The following TRPC5 variants were observed in gnomAD, a reference collection of about 807,000 sequenced individuals.
The protein encoded by TRPC5 is transient receptor potential cation channel subfamily C member 5, also known as short transient receptor potential channel 5.
Under a neutral mutation model 56.5 loss-of-function variants are expected in TRPC5, and 9 were observed. The observed-to-expected ratio is 0.16, with a 90% CI of 0.10 to 0.28. The LOEUF (loss-of-function observed/expected upper bound fraction) is 0.28, where lower values mean the gene tolerates loss of function less well. TRPC5 is among the 10% of genes least tolerant of loss of function. The pLI, the probability that TRPC5 is intolerant of heterozygous loss-of-function variation, is 1.00. For missense variants in TRPC5, 469 were observed against 748.9 expected (o/e 0.63, Z 4.36); for synonymous variants, 282 against 278.5 (o/e 1.01, Z -0.13).
intron 1 of TRPC5, among the ~76,000 whole-genome samples, chrX:112,023,251 T>TG (rs1929329347): frequency 2.4e-5 from 2 of 83,011 alleles, no homozygotes; most frequent in East Asian, 6.3e-4. Flanking sequence ...TTTTTGTTTT[T>TG]TTTTTTTTTT....
chrX:111,984,408 C>T (rs1048516681), intron 1 of TRPC5, among the ~76,000 whole-genome samples: 1 of 111,676 alleles, frequency 9.0e-6, no homozygotes, highest in African/African-American at 3.3e-5. Flanking sequence ...CAAATGAGAA[C>T]TATGTTGTCT....
chrX:111,938,710 G>A (rs1402970789), intron 2 of TRPC5, among the ~76,000 whole-genome samples: 3 of 111,779 alleles, frequency 2.7e-5, no homozygotes, highest in African/African-American at 9.8e-5. Context: ...CTTGATCATG[G>A]TGGATAAGCT....
At chrX:111,907,598 C>T (rs966090289) in intron 3 of TRPC5, among the ~76,000 whole-genome samples, 10 of 109,303 alleles carry the variant, frequency 9.1e-5, no homozygotes, top group Admixed American at 5.9e-4. Context: ...GCATTCCAGC[C>T]TGGGTGACAT....
chrX:111,791,122 G>C (rs1946017961), intron 7 of TRPC5, among the ~76,000 whole-genome samples: 1 of 107,250 alleles, frequency 9.3e-6, no homozygotes, highest in African/African-American at 3.4e-5. Context: ...CTCCCCACAG[G>C]GTTGGCTGAG....
At chrX:111,904,452 C>T (rs1925511207) in intron 3 of TRPC5, among the ~76,000 whole-genome samples, 1 of 111,557 alleles carries the variant, frequency 9.0e-6, no homozygotes, top group Admixed American at 9.5e-5. Flanking sequence ...ACTATGCAGC[C>T]ATAAAAAGGA....
chrX:111,839,583 G>A (rs1360030965), intron 6 of TRPC5, among the ~76,000 whole-genome samples: 2 of 111,671 alleles, frequency 1.8e-5, no homozygotes, highest in Admixed American at 1.9e-4. Context: ...ATCTGCAAAG[G>A]GTTGGTTCCA....
At chrX:112,012,775 C>T (rs1203635639) in intron 1 of TRPC5, among the ~76,000 whole-genome samples, 1 of 111,470 alleles carries the variant, frequency 9.0e-6, no homozygotes, top group Non-Finnish European at 1.9e-5. Context: ...TTTTCTTGAC[C>T]CTTTGCTAAT....
intron 2 of TRPC5, among the ~76,000 whole-genome samples, chrX:111,918,978 G>A: frequency 9.0e-6 from 1 of 110,731 alleles, no homozygotes. Context: ...ACACGTATTG[G>A]GCTGAAGAGG....
chrX:111,917,192 A>G (rs891560736), intron 2 of TRPC5, among the ~76,000 whole-genome samples: 1 of 112,214 alleles, frequency 8.9e-6, no homozygotes, highest in Non-Finnish European at 1.9e-5. Flanking sequence ...CACTGTGGCC[A>G]GTTTCATGCT....
In TRPC5 at chrX:111,773,912, T is replaced by C. The variant is rs1159792181; in HGVS notation, c.*2401A>G. ...ACAAAATCTTTTTCCTTTCCTACTT[T>C]GTACTGAATTAGAGTTAATAAAAAT... On this transcript the variant is annotated 3_prime_UTR_variant, in exon 11 of 11. Transcript: ENST00000262839. 9.0e-6 allele frequency among the ~76,000 whole-genome samples: 1 copy of C among 111,531 alleles called. No homozygotes were observed. The highest frequency in any genetic ancestry group is 2.8e-4 in the East Asian group (1 of 3,565).
At chrX:111,873,872 A>G (rs916828038) in intron 3 of TRPC5, among the ~76,000 whole-genome samples, 3 of 111,911 alleles carry the variant, frequency 2.7e-5, no homozygotes, top group African/African-American at 9.7e-5. Flanking sequence ...ATTCAGGAAC[A>G]TGGCCTAAAG....
chrX:111,888,693 C>CAAA (rs753735549), intron 3 of TRPC5, among the ~76,000 whole-genome samples: 1,582 of 10,981 alleles, frequency 0.14, 223 homozygotes, highest in African/African-American at 0.32. Flanking sequence ...GACTCTATCT[C>CAAA]AAAAAAAAAA....
rs771545139 is a variant in TRPC5 at position 111,779,490 on chromosome X, A to G, written c.2143-416T>C. On this transcript the variant is annotated intron_variant, in intron 9 of 10. Coordinates refer to ENST00000262839, the MANE Select transcript of TRPC5 (RefSeq NM_012471.3). ...GCTGATTTTAATGTCTACTAATTACATAGTGAAGATATTTTTCTCATAGTC... is the reference window on the plus strand; with the variant it reads ...GCTGATTTTAATGTCTACTAATTACGTAGTGAAGATATTTTTCTCATAGTC... Among the ~76,000 whole-genome samples, 5 of 111,898 alleles carry G rather than the reference A, an allele frequency of 4.5e-5. No individual in the cohort carries two copies. In the South Asian group the frequency reaches 1.9e-3, roughly 42 times the overall value.
At position 111,770,327 on chromosome X, in the gene TRPC5, T is replaced by G. The variant is rs529429761; in HGVS notation, c.*5986A>C. Among the ~76,000 whole-genome samples the G allele has an allele frequency of 8.0e-4, 89 of 111,663 alleles. 1 individual carries two copies. In the South Asian group the frequency reaches 0.032, roughly 40 times the overall value. On this transcript the variant is annotated 3_prime_UTR_variant, in exon 11 of 11. Transcript: ENST00000262839. ...ATATTGCATTATGGGTGTGGTGTGT[T>G]GAACTTATATTTACAGTGATCCCAA...
intron 1 of TRPC5, among the ~76,000 whole-genome samples, chrX:111,989,010 A>T (rs1261467002): frequency 3.6e-5 from 4 of 111,703 alleles, no homozygotes; most frequent in Non-Finnish European, 7.5e-5. Flanking sequence ...AGTTCCTAGA[A>T]CGTTGCTTGG....
chrX:112,002,329 G>A (rs1318975345), intron 1 of TRPC5, among the ~76,000 whole-genome samples: 1 of 110,530 alleles, frequency 9.0e-6, no homozygotes, highest in Non-Finnish European at 1.9e-5. Context: ...ATTTTTTTGG[G>A]GGGTGGGGCA....
At position 111,772,977 on chromosome X, in the gene TRPC5, C is replaced by A. The variant is rs1471329131; in HGVS notation, c.*3336G>T. Among the ~76,000 whole-genome samples, 1 of 111,563 alleles carries A rather than the reference C, an allele frequency of 9.0e-6. No homozygotes were observed. Among genetic ancestry groups the A allele is most frequent in the Non-Finnish European group, 1.9e-5 (1 of 53,142 alleles). ...GATGAGGTTTGCACTGCCATAAGAACTATAAAGTTCTTTTTGGAAAAGGTA... is the reference window on the plus strand; with the variant it reads ...GATGAGGTTTGCACTGCCATAAGAAATATAAAGTTCTTTTTGGAAAAGGTA... On this transcript the variant is annotated 3_prime_UTR_variant, in exon 11 of 11. Transcript: ENST00000262839.
intron 1 of TRPC5, among the ~76,000 whole-genome samples, chrX:111,978,568 T>C (rs1017097406): frequency 2.7e-5 from 3 of 111,690 alleles, no homozygotes; most frequent in Non-Finnish European, 5.7e-5. Flanking sequence ...TTAATGTATA[T>C]GTCCATACAA....
In TRPC5 at chrX:111,798,761, AC is replaced by A. The variant is rs1386265749; in HGVS notation, c.1897-16624del. Among the ~76,000 whole-genome samples, 3 of 111,820 alleles carry A rather than the reference AC, an allele frequency of 2.7e-5. No homozygotes were observed. In the Admixed American group the frequency reaches 2.9e-4, roughly 11 times the overall value. ...CTTTATTATCTCGTCTTGAAAATGC[AC>A]CTTTTGTATGGGTGCAGGATTGCTA... On this transcript the variant is annotated intron_variant, in intron 7 of 10. Transcript: ENST00000262839.
Sources: gnomAD v4.1 joint callset for allele counts (sites outside exome capture counted in the v4.1 genomes callset) on GRCh38, gnomAD v4.1.1 for gene constraint, MANE v1.5 for transcripts, NCBI Gene and HGNC (gene_info 2026-07-23, HGNC 2026-07-21) for gene names.